NXN: variants seen among roughly 807,000 people sequenced by gnomAD.
The protein encoded by NXN is nucleoredoxin, also known as nucleoredoxin 1.
In NXN, 16 loss-of-function variants were observed where a neutral mutation model predicts 48.6. That is an observed-to-expected ratio of 0.33 (90% CI 0.22 to 0.50). The LOEUF (loss-of-function observed/expected upper bound fraction) is 0.50. Ranked by LOEUF, NXN falls within the 20% of genes least tolerant of loss-of-function variation. The pLI is 0.98. For missense variants in NXN, 492 were observed against 605.5 expected (o/e 0.81, Z 1.97); for synonymous variants, 281 against 269.6 (o/e 1.04, Z -0.41).
At position 958,276 on chromosome 17, in the gene NXN, G is replaced by A. The variant is rs555332735; in HGVS notation, c.360+21043C>T. On this transcript the variant is annotated intron_variant, in intron 1 of 7. Coordinates refer to ENST00000336868, the MANE Select transcript of NXN (RefSeq NM_022463.5). The surrounding 1 kb of genome is among the most constrained non-coding windows in gnomAD (Gnocchi z 6.9). ...GTGCCTCTGCCCAACAAGACATGAC[G>A]GTGAGCAAGGTTACTCATCTTCCGA... Among the ~76,000 whole-genome samples the A allele has an allele frequency of 2.6e-5, 4 of 152,262 alleles. No homozygotes were observed. The highest frequency in any genetic ancestry group is 4.8e-5 in the African/African-American group (2 of 41,558).
At position 839,797 on chromosome 17, in the gene NXN, T is replaced by TAAAAAAAAAAAAA. The variant is rs553678056; in HGVS notation, c.361-13732_361-13720dup. ...CAGCCTGGCGACAGAGAGACCTTGT[T>TAAAAAAAAAAAAA]AAAAAAAAAAAAAAAAAGGCCAGGC... On this transcript the variant is annotated intron_variant, in intron 1 of 7. Transcript: ENST00000336868. Among the ~76,000 whole-genome samples, 91 of 57,238 alleles carry TAAAAAAAAAAAAA rather than the reference T, an allele frequency of 1.6e-3. 3 individuals carry two copies. Among genetic ancestry groups the TAAAAAAAAAAAAA allele is most frequent in the South Asian group, 6.1e-3 (10 of 1,646 alleles). The allele number at this position is 57,238 out of a possible 152,430, so 37.6% of individuals were successfully genotyped here.
rs571753897 is a variant in NXN at position 921,753 on chromosome 17, A to G, written c.360+57566T>C. ...CCCCTGGACAACACCTGGCCGGCCC[A>G]GGCTCTCATCCTCACTGCCCCTGGA... On this transcript the variant is annotated intron_variant, in intron 1 of 7. Coordinates refer to ENST00000336868, the MANE Select transcript of NXN (RefSeq NM_022463.5). Among the ~76,000 whole-genome samples the G allele has an allele frequency of 2.5e-3, 353 of 142,914 alleles. 2 individuals carry two copies. Among genetic ancestry groups the G allele is most frequent in the Non-Finnish European group, 4.3e-3 (283 of 65,454 alleles). The allele number at this position is 142,914 out of a possible 152,430, so 93.8% of individuals were successfully genotyped here. A position where few individuals can be genotyped will look rare whatever the true frequency, so the allele number is the denominator to read the frequency against.
chr17:943,689 A>G (rs957084160), intron 1 of NXN, among the ~76,000 whole-genome samples: 1 of 151,084 alleles, frequency 6.6e-6, no homozygotes, highest in Non-Finnish European at 1.5e-5. Context: ...GGGCTTGGTG[A>G]TGCACGCCTG....
intron 1 of NXN, among the ~76,000 whole-genome samples, chr17:874,719 T>G (rs570452465): frequency 1.0e-4 from 15 of 146,702 alleles, no homozygotes; most frequent in African/African-American, 3.6e-4. Context: ...AGCGAGACTC[T>G]GTCTCAAATA....
chr17:856,505 T>TTTTTG lies in NXN; in HGVS notation c.361-30428_361-30427insCAAAA, dbSNP rs1490959130. Among the ~76,000 whole-genome samples the TTTTTG allele has an allele frequency of 1.0e-4, 14 of 138,514 alleles. 1 individual carries two copies. The highest frequency in any genetic ancestry group is 5.7e-4 in the Admixed American group (8 of 14,158). The allele number at this position is 138,514 out of a possible 152,430, so 90.9% of individuals were successfully genotyped here. On this transcript the variant is annotated intron_variant, in intron 1 of 7. Transcript: ENST00000336868. ...TACTTGTCTTTTTTTTTTTTTTTTT[T>TTTTTG]TTTGAGACTGAGTCTTGCTCTGTCG... is the stretch of plus-strand genomic sequence containing the variant.
intron 4 of NXN, among the ~76,000 whole-genome samples, chr17:821,842 C>T (rs1024965117): frequency 5.3e-5 from 8 of 152,044 alleles, no homozygotes; most frequent in Non-Finnish European, 8.8e-5. Context: ...CCTTCCTCCC[C>T]CTTCCCTGTC....
intron 1 of NXN, among the ~76,000 whole-genome samples, chr17:937,323 G>A (rs1386424585): frequency 6.6e-6 from 1 of 152,082 alleles, no homozygotes; most frequent in Non-Finnish European, 1.5e-5. Context: ...AAGAGCCCAG[G>A]AGTCCAAGAG....
At chr17:814,968 G>A (rs567549550) in intron 5 of NXN, among the ~76,000 whole-genome samples, 43 of 152,188 alleles carry the variant, frequency 2.8e-4, no homozygotes, top group Non-Finnish European at 3.7e-4. Flanking sequence ...GTTTCGCCAT[G>A]TTGGCCAGGC....
intron 3 of NXN, 61 bp downstream of exon 3, chr17:823,571 G>T (rs1473698684): frequency 6.3e-7 from 1 of 1,594,406 alleles, no homozygotes; most frequent in Non-Finnish European, 8.6e-7. Flanking sequence ...AACCACAGCT[G>T]GGCCTGCTGG....
At chr17:832,869 T>C (rs1428096855) in intron 1 of NXN, among the ~76,000 whole-genome samples, 1 of 152,012 alleles carries the variant, frequency 6.6e-6, no homozygotes, top group Non-Finnish European at 1.5e-5. Flanking sequence ...GGGAAAAAAT[T>C]TCCTTCTAGA....
rs1361575710 is a variant in NXN, at chr17:954,090, A to G, written c.360+25229T>C. 4.6e-5 allele frequency among the ~76,000 whole-genome samples: 7 copies of G among 151,782 alleles called. No homozygotes were observed. The East Asian group carries it at 1.4e-3, about 30-fold the overall frequency. ...ATAACTGGCATTAGACACGATTCTC[A>G]CTCCTGGCCAGGCGCCGTGGCTCAT... On this transcript the variant is annotated intron_variant, in intron 1 of 7. Coordinates refer to ENST00000336868, the MANE Select transcript of NXN (RefSeq NM_022463.5).
chr17:811,920 C>CTTTTTTTTT (rs34383551), intron 5 of NXN, among the ~76,000 whole-genome samples: 1 of 73,174 alleles, frequency 1.4e-5, no homozygotes. Context: ...CCCAGTTCTG[C>CTTTTTTTTT]TTTTTTTTTT....
intron 1 of NXN, among the ~76,000 whole-genome samples, chr17:837,120 G>A (rs1913871857): frequency 1.3e-5 from 2 of 152,248 alleles, no homozygotes; most frequent in South Asian, 4.1e-4. Context: ...TGGGACTACG[G>A]TCGCACACCA....
intron 1 of NXN, among the ~76,000 whole-genome samples, chr17:868,208 T>C (rs1164955756): frequency 6.6e-6 from 1 of 152,176 alleles, no homozygotes; most frequent in Non-Finnish European, 1.5e-5. Context: ...ACACATGGGA[T>C]TCCCTCTATC....
chr17:799,429 C>G lies in NXN; in HGVS notation c.*1520G>C, dbSNP rs1911087224. ...ATCACATAACAAGTCTAATCGCCAACTAGTTGTACGCCTCTGAACTACAAG... is the reference window on the plus strand; with the variant it reads ...ATCACATAACAAGTCTAATCGCCAAGTAGTTGTACGCCTCTGAACTACAAG... On this transcript the variant is annotated 3_prime_UTR_variant, in exon 8 of 8. Coordinates refer to ENST00000336868, the MANE Select transcript of NXN (RefSeq NM_022463.5). 1.3e-5 allele frequency: 2 copies of G among 152,382 alleles called. No homozygotes were observed. Among genetic ancestry groups the G allele is most frequent in the East Asian group, 3.9e-4 (2 of 5,192 alleles). The allele number at this position is 152,382 out of a possible 1,614,324, so 9.4% of individuals were successfully genotyped here. A position where few individuals can be genotyped will look rare whatever the true frequency, so the allele number is the denominator to read the frequency against.
chr17:822,629 A>G lies in NXN; in HGVS notation c.613-172T>C, dbSNP rs656974. ...GGTGGCTACCTGGGAGGCTGAGGTC[A>G]GAAGATCGCTTGAGCCCAGGAGTTT... On this transcript the variant is annotated intron_variant, in intron 3 of 7. Coordinates refer to ENST00000336868, the MANE Select transcript of NXN (RefSeq NM_022463.5). 0.67 allele frequency among the ~76,000 whole-genome samples: 101,865 copies of G among 152,036 alleles called. 34,893 individuals are homozygous for G. Among genetic ancestry groups the G allele is most frequent in the African/African-American group, 0.81 (33,715 of 41,496 alleles).
At chr17:897,014 T>C (rs2144888034) in intron 1 of NXN, 1 of 1,114,164 alleles carries the variant, frequency 9.0e-7, no homozygotes, top group Non-Finnish European at 1.1e-6. Context: ...GACTCCGTAA[T>C]GGAAACTCCG....
At position 956,952 on chromosome 17, in the gene NXN, A is replaced by G. The variant is rs960209630; in HGVS notation, c.360+22367T>C. 3.9e-5 allele frequency among the ~76,000 whole-genome samples: 6 copies of G among 152,148 alleles called. No individual in the cohort carries two copies. Among genetic ancestry groups the G allele is most frequent in the African/African-American group, 1.4e-4 (6 of 41,420 alleles). On this transcript the variant is annotated intron_variant, in intron 1 of 7. Coordinates refer to ENST00000336868, the MANE Select transcript of NXN (RefSeq NM_022463.5). The surrounding 1 kb of genome is among the most constrained non-coding windows in gnomAD (Gnocchi z 4.1). ...CCCTTTTAGAACCAATACCATGGTC[A>G]TCACCCAGAAAAAACTCTAAATTTA...
intron 1 of NXN, among the ~76,000 whole-genome samples, chr17:850,289 C>CACGAGGT (rs1159485821): frequency 3.3e-5 from 5 of 152,198 alleles, no homozygotes; most frequent in African/African-American, 9.7e-5. Context: ...CTCCTGCTCC[C>CACGAGGT]ACGAGGTACG....
Sources: allele counts gnomAD v4.1 joint callset (sites outside exome capture counted in the v4.1 genomes callset), GRCh38; gene constraint gnomAD v4.1.1; non-coding constraint Gnocchi (gnomAD v3.1); transcripts MANE v1.5; gene names NCBI Gene and HGNC (gene_info 2026-07-23, HGNC 2026-07-21).